The following CEP57 variants were observed in gnomAD, a reference collection of about 807,000 sequenced individuals.
The protein encoded by CEP57 is centrosomal protein 57.
A neutral mutation model predicts 68.0 loss-of-function variants in CEP57; 40 were observed. That is an observed-to-expected ratio of 0.59 (90% CI 0.46 to 0.77). CEP57 has a LOEUF of 0.77. Among genes scored for constraint, CEP57 ranks in the 30% least tolerant of loss-of-function variants. The pLI is 0.00. For synonymous variants in CEP57, 219 were observed against 198.7 expected, an observed-to-expected ratio of 1.10 and a Z score of -0.86; for missense variants, 606 against 580.7, an observed-to-expected ratio of 1.04 and a Z score of -0.45.
chr11:95,817,024 A>C (rs1464568912), intron 4 of CEP57, among the ~76,000 whole-genome samples: 2 of 151,322 alleles, frequency 1.3e-5, no homozygotes, highest in East Asian at 3.9e-4. Context: ...AAAAAAACAA[A>C]GTCTATATAG....
chr11:95,807,333 G>C (rs550305530), intron 2 of CEP57, among the ~76,000 whole-genome samples: 9 of 152,176 alleles, frequency 5.9e-5, no homozygotes, highest in Admixed American at 3.9e-4. Flanking sequence ...ACAGCTCCTT[G>C]CCAGCAACAG....
intron 2 of CEP57, 80 bp downstream of exon 2, chr11:95,799,468 G>T (rs546676116): frequency 6.5e-7 from 1 of 1,537,530 alleles, no homozygotes; most frequent in Non-Finnish European, 9.0e-7. Flanking sequence ...CCATTATTTT[G>T]CCATTAGAGG....
At chr11:95,822,306 TC>T (rs1565329731) in intron 7 of CEP57, 192 bp from the exon 8 acceptor site, 2 of 599,106 alleles carry the variant, frequency 3.3e-6, no homozygotes, top group East Asian at 2.8e-5. Context: ...AGTGCTTTTT[TC>T]CCCCCAGCCT....
At position 95,829,220 on chromosome 11, in the gene CEP57, G is replaced by C; in HGVS notation, c.1161G>C (p.Glu387Asp). Residue 387 changes from glutamate to aspartate, a missense_variant, in exon 10 of 11, where the codon GAG (glutamate) becomes GAC (aspartate). Transcript: ENST00000325542. ...DHQQLAKLIQ[E>D]SPTVELKDKL... ...AGCAGCTTGCAAAACTTATCCAGGA[G>C]TCGCCAACCGTTGAACTGAAAGACA... The C allele has an allele frequency of 6.2e-7, 1 of 1,613,952 alleles. No homozygotes were observed. The highest frequency in any genetic ancestry group is 2.2e-5 in the East Asian group (1 of 44,874).
rs1862818339 is a variant in CEP57 at position 95,827,921 on chromosome 11, G to A, written c.1021G>A (p.Gly341Ser). 2 of 1,614,006 alleles carry A rather than the reference G, an allele frequency of 1.2e-6. No individual in the cohort carries two copies. Among genetic ancestry groups the A allele is most frequent in the South Asian group, 2.2e-5 (2 of 91,060 alleles). ...GGCAAAGCAAGTATCTTCACGAGGT[G>A]GTAAAAGTAAGAAGTTGTCAGTAAC... ...PLAKQVSSRG[G>S]KSKKLSVTPP... Residue 341 changes from glycine to serine, a missense_variant, in exon 9 of 11, where the codon GGT becomes AGT. Physicochemically the swap from Gly to Ser is moderately conservative, Grantham distance 56 (BLOSUM62 0). Coordinates refer to ENST00000325542, the MANE Select transcript of CEP57 (RefSeq NM_014679.5).
At chr11:95,799,462 T>G in intron 2 of CEP57, 74 bp downstream of exon 2, 1 of 1,565,632 alleles carries the variant, frequency 6.4e-7, no homozygotes, top group Non-Finnish European at 8.8e-7. Context: ...TGTCCTCCAT[T>G]ATTTTGCCAT....
At chr11:95,812,831 TC>T in intron 2 of CEP57, 100 bp from the exon 3 acceptor site, 1 of 991,222 alleles carries the variant, frequency 1.0e-6, no homozygotes, top group Non-Finnish European at 1.6e-6. Context: ...ACTGGACTCA[TC>T]CATCAATTTT....
chr11:95,826,789 C>A (rs933062019), intron 8 of CEP57: 3 of 152,100 alleles, frequency 2.0e-5, no homozygotes, highest in African/African-American at 7.2e-5. Flanking sequence ...TTACAAGTTA[C>A]GAGCAAAATA....
chr11:95,822,036 A>G, intron 7 of CEP57, 58 bp downstream of exon 7: 1 of 1,070,748 alleles, frequency 9.3e-7, no homozygotes, highest in Non-Finnish European at 1.4e-6. Context: ...GTTTATGTCA[A>G]AACACCCATA....
chr11:95,806,314 C>A (rs1423523707), intron 2 of CEP57, among the ~76,000 whole-genome samples: 1 of 152,208 alleles, frequency 6.6e-6, no homozygotes, highest in Non-Finnish European at 1.5e-5. Context: ...GTGAGTGACA[C>A]AGAAGACGGG....
upstream of CEP57, chr11:95,790,288 A>G: frequency 3.5e-6 from 1 of 284,416 alleles, no homozygotes; most frequent in Non-Finnish European, 6.8e-6. Flanking sequence ...TGGCGACACC[A>G]CTACTCGCCC....
At chr11:95,824,073 TAAAAAAAAA>T (rs71040119) in intron 8 of CEP57, among the ~76,000 whole-genome samples, 2 of 112,664 alleles carry the variant, frequency 1.8e-5, no homozygotes, top group African/African-American at 3.4e-5. Flanking sequence ...AGGCCTATTG[TAAAAAAAAA>T]AAAAAAAAAA....
intron 1 of CEP57, chr11:95,795,560 G>A (rs752497232): frequency 1.8e-6 from 1 of 541,958 alleles, no homozygotes; most frequent in Non-Finnish European, 3.3e-6. Flanking sequence ...CAGAATTGAT[G>A]TAGGTATCTT....
At chr11:95,827,577 A>G in intron 8 of CEP57, 1 of 583,446 alleles carries the variant, frequency 1.7e-6, no homozygotes, top group East Asian at 3.0e-5. Flanking sequence ...AATGATGTGT[A>G]TGTAGGGCCT....
intron 2 of CEP57, among the ~76,000 whole-genome samples, chr11:95,811,411 C>G (rs543715486): frequency 2.5e-4 from 34 of 133,984 alleles, no homozygotes; most frequent in Non-Finnish European, 4.1e-4. Flanking sequence ...TGGGGAACAT[C>G]ACACACCGGG....
intron 4 of CEP57, among the ~76,000 whole-genome samples, chr11:95,814,515 C>T (rs1053401921): frequency 1.3e-5 from 2 of 152,124 alleles, no homozygotes; most frequent in Non-Finnish European, 2.9e-5. Flanking sequence ...CATGTGCCAC[C>T]ACACCCGGCT....
intron 1 of CEP57, 92 bp from the exon 2 acceptor site, chr11:95,799,139 TG>T: frequency 8.0e-7 from 1 of 1,257,684 alleles, no homozygotes; most frequent in Non-Finnish European, 1.1e-6. Flanking sequence ...GTTGTCTGTA[TG>T]GACAGTCAAT....
At position 95,827,991 on chromosome 11, in the gene CEP57, T is replaced by C. The variant is rs774528069; in HGVS notation, c.1091T>C (p.Leu364Ser). The C allele has an allele frequency of 2.5e-6, 4 of 1,614,028 alleles. No homozygotes were observed. In the South Asian group the frequency reaches 4.4e-5, roughly 18 times the overall value. The change falls in exon 9 of 11, where the codon TTA becomes TCA. Residue 364 changes from leucine to serine, a missense_variant. By Grantham distance (145) the Leu-to-Ser change is moderately radical (BLOSUM62 -2). Coordinates refer to ENST00000325542, the MANE Select transcript of CEP57 (RefSeq NM_014679.5). ...ATTAATGAGGAGTTGTCAGAAGTCTTACAGACTTTACAGGATGAATTTGGG... is the reference window on the plus strand; with the variant it reads ...ATTAATGAGGAGTTGTCAGAAGTCTCACAGACTTTACAGGATGAATTTGGG... Reference protein sequence around the residue: ...NGINEELSEVLQTLQDEFGQM... With the variant: ...NGINEELSEVSQTLQDEFGQM...
intron 2 of CEP57, among the ~76,000 whole-genome samples, chr11:95,811,226 T>C (rs900033075): frequency 4.6e-5 from 7 of 152,164 alleles, no homozygotes; most frequent in Non-Finnish European, 1.0e-4. Flanking sequence ...GTGGCACATA[T>C]ACACCATGGA....
Sources: gnomAD v4.1 joint callset for allele counts (sites outside exome capture counted in the v4.1 genomes callset) on GRCh38, gnomAD v4.1.1 for gene constraint, MANE v1.5 for transcripts, NCBI Gene and HGNC (gene_info 2026-07-23, HGNC 2026-07-21) for gene names.